The following UBE2Z variants were observed in gnomAD, a reference collection of about 807,000 sequenced individuals.
UBE2Z encodes ubiquitin-conjugating enzyme E2 Z.
A neutral mutation model predicts 32.6 loss-of-function variants in UBE2Z; 10 were observed. The ratio of observed to expected loss-of-function variants is 0.31; its 90% CI spans 0.19 to 0.52. The LOEUF is 0.52. UBE2Z is among the 20% of genes least tolerant of loss of function. UBE2Z has a pLI of 0.97. For synonymous variants in UBE2Z, 183 were observed against 190.8 expected (o/e 0.96, Z 0.34); for missense variants, 343 against 480.9 (o/e 0.71, Z 2.68).
Position 48,929,008 on chromosome 17 carries a change from TG to T in UBE2Z, c.*1875del. 6.7e-6 allele frequency: 1 copy of T among 148,906 alleles called. No homozygotes were observed. The highest frequency in any genetic ancestry group is 1.5e-5 in the Non-Finnish European group (1 of 66,308). The allele number at this position is 148,906 out of a possible 1,614,324, so 9.2% of individuals were successfully genotyped here. On this transcript the variant is annotated 3_prime_UTR_variant, in exon 7 of 7. Coordinates refer to ENST00000360943, the MANE Select transcript of UBE2Z (RefSeq NM_023079.5). ...TGACTGTATATAAATGAAGTTTTTT[TG>T]TTTTTTTTGTTTTCCTTTTTGGTGC...
chr17:48,926,998 A>G lies in UBE2Z; in HGVS notation c.929A>G (p.Tyr310Cys). Residue 310 changes from tyrosine to cysteine, a missense_variant, in exon 7 of 7, where the codon TAC (tyrosine) becomes TGC (cysteine). Coordinates refer to ENST00000360943, the MANE Select transcript of UBE2Z (RefSeq NM_023079.5). ...GGAGAGAAGCGGGGCCACTTTGACT[A>G]CCAGTCCCTCTTGATGCGCCTGGGA... ...PFGEKRGHFDYQSLLMRLGLI... is the reference protein window; with the variant it reads ...PFGEKRGHFDCQSLLMRLGLI... The G allele has an allele frequency of 1.2e-6, 2 of 1,613,234 alleles. No homozygotes were observed. The highest frequency in any genetic ancestry group is 1.7e-6 in the Non-Finnish European group (2 of 1,179,706).
chr17:48,915,857 GTTC>G (rs1015258951), intron 3 of UBE2Z: 1 of 392,634 alleles, frequency 2.5e-6, no homozygotes, highest in Non-Finnish European at 4.3e-6. Flanking sequence ...GCTATTACCT[GTTC>G]TTTTGCCCCC....
rs1207937641 is a variant in UBE2Z at position 48,912,900 on chromosome 17, C to T, written c.457C>T (p.Arg153Trp). The T allele has an allele frequency of 1.9e-6, 3 of 1,613,852 alleles. No individual in the cohort carries two copies. The highest frequency in any genetic ancestry group is 2.2e-5 in the East Asian group (1 of 44,876). The change falls in exon 3 of 7, where the codon CGG becomes TGG. Residue 153 changes from arginine (R) to tryptophan (W), a missense_variant. Around this residue, in one of 4 missense-constraint regions of UBE2Z, gnomAD observed 182 missense variants for 312.4 expected, o/e 0.58. Transcript: ENST00000360943. The stretch of plus-strand genomic sequence containing the variant: ...AGGGGGTTTCTTCCTGTTCGTGTTT[C>T]GGTGTCCGCCCGACTATCCCATCCA... ...YEGGFFLFVF[R>W]CPPDYPIHPP...
chr17:48,927,002 G>C lies in UBE2Z; in HGVS notation c.933G>C (p.Gln311His), dbSNP rs1284508884. Reference sequence around the variant, plus strand: ...AGAAGCGGGGCCACTTTGACTACCAGTCCCTCTTGATGCGCCTGGGACTGA... The same window carrying C: ...AGAAGCGGGGCCACTTTGACTACCACTCCCTCTTGATGCGCCTGGGACTGA... ...FGEKRGHFDY[Q>H]SLLMRLGLIR... Residue 311 changes from glutamine (Q) to histidine (H), a missense_variant, in exon 7 of 7, where the codon CAG (glutamine) becomes CAC (histidine). Around this residue, in one of 4 missense-constraint regions of UBE2Z, gnomAD observed 182 missense variants for 312.4 expected, o/e 0.58. Transcript: ENST00000360943. 6.2e-7 allele frequency: 1 copy of C among 1,613,478 alleles called. No homozygotes were observed. Among genetic ancestry groups the C allele is most frequent in the Non-Finnish European group, 8.5e-7 (1 of 1,179,754 alleles).
chr17:48,926,606 C>A (rs146175520), intron 6 of UBE2Z, among the ~76,000 whole-genome samples: 1 of 151,932 alleles, frequency 6.6e-6, no homozygotes, highest in Non-Finnish European at 1.5e-5. Context: ...CTCAGCCTCC[C>A]GAGTAGCTGG....
At chr17:48,914,849 C>T (rs1484082622) in intron 3 of UBE2Z, among the ~76,000 whole-genome samples, 3 of 152,164 alleles carry the variant, frequency 2.0e-5, no homozygotes, top group African/African-American at 2.4e-5. Context: ...GGCGAAACCC[C>T]GTCTCTACTA....
chr17:48,916,812 C>A (rs2040723797), intron 4 of UBE2Z, among the ~76,000 whole-genome samples: 1 of 149,808 alleles, frequency 6.7e-6, no homozygotes, highest in Non-Finnish European at 1.5e-5. Flanking sequence ...CCTGGTAAAA[C>A]CCCATCTCTA....
At chr17:48,922,826 A>T (rs777877098) in intron 5 of UBE2Z, 21 bp from the exon 6 acceptor site, 29 of 1,602,620 alleles carry the variant, frequency 1.8e-5, no homozygotes, top group Non-Finnish European at 2.4e-5. Flanking sequence ...TCTCACTTAC[A>T]CTTTTCTGCT....
intron 6 of UBE2Z, among the ~76,000 whole-genome samples, chr17:48,925,383 A>C (rs975340912): frequency 1.3e-5 from 2 of 151,936 alleles, no homozygotes; most frequent in East Asian, 3.9e-4. Context: ...CTGTTCACCC[A>C]CCCCAACACC....
At chr17:48,923,622 CAAA>C (rs915995872) in intron 6 of UBE2Z, among the ~76,000 whole-genome samples, 4 of 72,754 alleles carry the variant, frequency 5.5e-5, no homozygotes, top group Non-Finnish European at 7.8e-5. Flanking sequence ...AACTCGGTCT[CAAA>C]AAAAAAAGCT....
At chr17:48,919,707 A>T (rs2040745790) in intron 4 of UBE2Z, among the ~76,000 whole-genome samples, 1 of 152,002 alleles carries the variant, frequency 6.6e-6, no homozygotes, top group Admixed American at 6.6e-5. Flanking sequence ...TGAACTCCTG[A>T]ACTCAAGCGA....
At chr17:48,913,834 G>C (rs1378436930) in intron 3 of UBE2Z, among the ~76,000 whole-genome samples, 1 of 152,150 alleles carries the variant, frequency 6.6e-6, no homozygotes, top group African/African-American at 2.4e-5. Context: ...TGCTTTGAAG[G>C]CAGTGGCGGT....
chr17:48,914,842 G>A (rs545623600), intron 3 of UBE2Z, among the ~76,000 whole-genome samples: 1 of 152,128 alleles, frequency 6.6e-6, no homozygotes, highest in Non-Finnish European at 1.5e-5. Context: ...CTAGCCTGGC[G>A]AAACCCCGTC....
At chr17:48,911,087 T>C (rs539527374) in intron 2 of UBE2Z, 1 of 547,442 alleles carries the variant, frequency 1.8e-6, no homozygotes, top group South Asian at 2.4e-5. Context: ...ACCCCATAGG[T>C]ACTGATTGGC....
intron 5 of UBE2Z, among the ~76,000 whole-genome samples, chr17:48,921,512 T>C (rs2040758346): frequency 6.6e-6 from 1 of 152,180 alleles, no homozygotes; most frequent in South Asian, 2.1e-4. Context: ...GCTTCCAGTT[T>C]GATGAAGGCT....
chr17:48,928,625 C>T lies in UBE2Z; in HGVS notation c.*1491C>T, dbSNP rs2040813724. ...GGGGGCTGGGCACAAAGGAGAATGTCCTATTTGGGAGGGCAGGAAGCAAAG... is the reference window on the plus strand; with the variant it reads ...GGGGGCTGGGCACAAAGGAGAATGTTCTATTTGGGAGGGCAGGAAGCAAAG... On this transcript the variant is annotated 3_prime_UTR_variant, in exon 7 of 7. Transcript: ENST00000360943. 1 of 152,756 alleles carries T rather than the reference C, an allele frequency of 6.5e-6. No homozygotes were observed. The allele number at this position is 152,756 out of a possible 1,614,324, so 9.5% of individuals were successfully genotyped here. A position where few individuals can be genotyped will look rare whatever the true frequency, so the allele number is the denominator to read the frequency against.
At chr17:48,909,564 G>A (rs2040660654) in intron 1 of UBE2Z, among the ~76,000 whole-genome samples, 1 of 107,436 alleles carries the variant, frequency 9.3e-6, no homozygotes, top group Non-Finnish European at 1.8e-5. Flanking sequence ...CACCCTCCCC[G>A]GGTCGTCTGT....
intron 5 of UBE2Z, 24 bp from the exon 6 acceptor site, chr17:48,922,823 T>G: frequency 6.3e-7 from 1 of 1,597,984 alleles, no homozygotes; most frequent in Non-Finnish European, 8.6e-7. Flanking sequence ...GTTTCTCACT[T>G]ACACTTTTCT....
intron 3 of UBE2Z, among the ~76,000 whole-genome samples, chr17:48,914,518 T>C (rs1797409585): frequency 6.6e-6 from 1 of 152,202 alleles, no homozygotes; most frequent in Admixed American, 6.5e-5. Context: ...GCTGGTAGGC[T>C]AAAACCCATG....
Sources: allele counts gnomAD v4.1 joint callset (sites outside exome capture counted in the v4.1 genomes callset), GRCh38; gene constraint gnomAD v4.1.1; regional missense constraint gnomAD v4.1.1; transcripts MANE v1.5; gene names NCBI Gene and HGNC (gene_info 2026-07-23, HGNC 2026-07-21).